Variants in MTUS2 observed in about 807,000 individuals in gnomAD.
MTUS2 encodes microtubule-associated tumor suppressor candidate 2.
In MTUS2, 40 loss-of-function variants were observed where a neutral mutation model predicts 114.1. The observed-to-expected ratio is 0.35, with a 90% CI of 0.27 to 0.46. The LOEUF is 0.46. Among genes scored for constraint, MTUS2 ranks in the 20% least tolerant of loss-of-function variants. The pLI is 1.00. For missense variants in MTUS2, 1,679 were observed against 1,705.4 expected (o/e 0.98, Z 0.27); for synonymous variants, 688 against 672.0 (o/e 1.02, Z -0.37).
At chr13:29,198,994 A>G (rs1015701139) in intron 5 of MTUS2, among the ~76,000 whole-genome samples, 2 of 152,180 alleles carry the variant, frequency 1.3e-5, no homozygotes, top group African/African-American at 2.4e-5. Flanking sequence ...TTCTAAATAT[A>G]CAATCATATC....
At chr13:28,857,908 C>T (rs887846759) in intron 2 of MTUS2, among the ~76,000 whole-genome samples, 15 of 152,166 alleles carry the variant, frequency 9.9e-5, no homozygotes, top group Non-Finnish European at 1.6e-4. Context: ...GCCCTGAGTC[C>T]TGGACTGGGC....
chr13:29,060,355 G>A (rs1023135848), intron 4 of MTUS2, among the ~76,000 whole-genome samples: 2 of 151,844 alleles, frequency 1.3e-5, no homozygotes, highest in African/African-American at 4.8e-5. Flanking sequence ...AGTTCCTTGT[G>A]GAGAGTGTGA....
intron 6 of MTUS2, among the ~76,000 whole-genome samples, chr13:29,314,134 C>T (rs1242625716): frequency 6.6e-6 from 1 of 152,068 alleles, no homozygotes; most frequent in Non-Finnish European, 1.5e-5. Flanking sequence ...AGGAATTTCC[C>T]AGAATGATGA....
At chr13:29,219,599 C>T (rs1895825857) in intron 5 of MTUS2, among the ~76,000 whole-genome samples, 1 of 152,320 alleles carries the variant, frequency 6.6e-6, no homozygotes, top group Non-Finnish European at 1.5e-5. Flanking sequence ...ATTGACTTCT[C>T]CTCTCTAGTT....
Position 28,910,855 on chromosome 13 carries a change from C to CT in MTUS2, c.-243+71043dup, listed in dbSNP as rs555935861. Among the ~76,000 whole-genome samples, 2 of 58,006 alleles carry CT rather than the reference C, an allele frequency of 3.4e-5. 1 individual carries two copies. The highest frequency in any genetic ancestry group is 1.5e-4 in the African/African-American group (2 of 13,732). The allele number at this position is 58,006 out of a possible 152,430, so 38.1% of individuals were successfully genotyped here. On this transcript the variant is annotated intron_variant, in intron 2 of 15. Coordinates refer to ENST00000612955, the MANE Select transcript of MTUS2 (RefSeq NM_001033602.4). Reference sequence around the variant, plus strand: ...CTGCAATGAACACACATATACATGGCTTTTTTTTTTTTTTTTTTTTTTTTT... The same window carrying CT: ...CTGCAATGAACACACATATACATGGCTTTTTTTTTTTTTTTTTTTTTTTTTT...
At chr13:29,353,704 C>T (rs577121201) in intron 7 of MTUS2, among the ~76,000 whole-genome samples, 2 of 152,284 alleles carry the variant, frequency 1.3e-5, no homozygotes, top group South Asian at 2.1e-4. Context: ...AGGTACTGAT[C>T]AGCACTTCTT....
chr13:29,391,995 G>A (rs1189189393), intron 8 of MTUS2, among the ~76,000 whole-genome samples: 1 of 151,920 alleles, frequency 6.6e-6, no homozygotes, highest in Non-Finnish European at 1.5e-5. Context: ...CAGGTGTGGT[G>A]GCACGGCCTG....
At chr13:28,922,980 A>G (rs1881130345) in intron 2 of MTUS2, among the ~76,000 whole-genome samples, 1 of 151,974 alleles carries the variant, frequency 6.6e-6, no homozygotes, top group Non-Finnish European at 1.5e-5. Flanking sequence ...CAGCGATACA[A>G]ATGTTGGACC....
At chr13:29,176,628 C>A (rs1467183212) in intron 5 of MTUS2, among the ~76,000 whole-genome samples, 1 of 152,206 alleles carries the variant, frequency 6.6e-6, no homozygotes, top group Non-Finnish European at 1.5e-5. Context: ...GTGGAAGGGG[C>A]AAACAAGCTC....
At chr13:28,945,194 T>TATATATATATATATACACACACAC (rs1555276495) in intron 2 of MTUS2, among the ~76,000 whole-genome samples, 1 of 151,000 alleles carries the variant, frequency 6.6e-6, no homozygotes, top group African/African-American at 2.5e-5. Context: ...TATATATATA[T>TATATATATATATATACACACACAC]ACACCACATT....
At chr13:29,330,495 C>G (rs1014818624) in intron 7 of MTUS2, among the ~76,000 whole-genome samples, 1 of 152,052 alleles carries the variant, frequency 6.6e-6, no homozygotes, top group Non-Finnish European at 1.5e-5. Flanking sequence ...GTGTTTTAGT[C>G]GTGAAGTTTG....
chr13:29,176,326 C>T (rs551561709), intron 5 of MTUS2, among the ~76,000 whole-genome samples: 41 of 152,226 alleles, frequency 2.7e-4, no homozygotes, highest in African/African-American at 9.4e-4. Context: ...ATGTTCTGTC[C>T]TCCAGACCTC....
At chr13:28,872,275 A>T (rs1007465902) in intron 2 of MTUS2, among the ~76,000 whole-genome samples, 1 of 152,088 alleles carries the variant, frequency 6.6e-6, no homozygotes, top group African/African-American at 2.4e-5. Flanking sequence ...GTGTAAGGGA[A>T]AGAGAGGAAT....
chr13:29,186,715 G>A (rs1383825687), intron 5 of MTUS2, among the ~76,000 whole-genome samples: 1 of 152,186 alleles, frequency 6.6e-6, no homozygotes, highest in Non-Finnish European at 1.5e-5. Flanking sequence ...AAAGCACCTA[G>A]AATGAAGGCA....
intron 7 of MTUS2, among the ~76,000 whole-genome samples, chr13:29,352,884 C>T (rs1264898507): frequency 6.6e-6 from 1 of 152,138 alleles, no homozygotes; most frequent in Non-Finnish European, 1.5e-5. Flanking sequence ...TCATCTCAGA[C>T]CTTGGAAATT....
At chr13:29,396,315 G>A (rs1873912580) in intron 8 of MTUS2, among the ~76,000 whole-genome samples, 1 of 151,960 alleles carries the variant, frequency 6.6e-6, no homozygotes, top group Non-Finnish European at 1.5e-5. Flanking sequence ...CAGTTTTCTG[G>A]CATTTAAATA....
intron 8 of MTUS2, among the ~76,000 whole-genome samples, chr13:29,414,400 A>G (rs963905567): frequency 3.2e-5 from 4 of 126,700 alleles, no homozygotes; most frequent in Non-Finnish European, 6.6e-5. Flanking sequence ...GCACATGTAT[A>G]CATATGTAAC....
At chr13:29,245,767 G>T (rs1225486431) in intron 5 of MTUS2, among the ~76,000 whole-genome samples, 1 of 140,984 alleles carries the variant, frequency 7.1e-6, no homozygotes, top group African/African-American at 2.7e-5. Flanking sequence ...CACGACCTCC[G>T]CTCACTGCAA....
intron 5 of MTUS2, among the ~76,000 whole-genome samples, chr13:29,280,875 G>C (rs1898239467): frequency 6.6e-6 from 1 of 152,202 alleles, no homozygotes; most frequent in African/African-American, 2.4e-5. Flanking sequence ...GATTGAAAAT[G>C]TATTAACCAC....
Sources: gnomAD v4.1 joint callset for allele counts (sites outside exome capture counted in the v4.1 genomes callset) on GRCh38, gnomAD v4.1.1 for gene constraint, MANE v1.5 for transcripts, NCBI Gene and HGNC (gene_info 2026-07-23, HGNC 2026-07-21) for gene names.